The following EXOC3L4 variants were observed in gnomAD, a reference collection of about 807,000 sequenced individuals.
EXOC3L4 encodes exocyst complex component 3 like 4.
EXOC3L4 carries 62 observed loss-of-function variants against 69.7 expected under a neutral mutation model. The ratio of observed to expected loss-of-function variants is 0.89; its 90% confidence interval spans 0.72 to 1.10. The LOEUF is 1.10. EXOC3L4 is among the 50% of genes least tolerant of loss of function. The pLI is 0.00. For synonymous variants in EXOC3L4, 502 were observed against 464.2 expected (o/e 1.08, Z -1.05); for missense variants, 1,087 against 1,034.8 (o/e 1.05, Z -0.69).
At chr14:103,103,457 G>T (rs1430709405) in intron 3 of EXOC3L4, 2 of 156,820 alleles carry the variant, frequency 1.3e-5, no homozygotes, top group East Asian at 1.9e-4. Context: ...TGCGGGGAGC[G>T]GCCACCTCCC....
chr14:103,105,580 T>C (rs1325346705), intron 7 of EXOC3L4, among the ~76,000 whole-genome samples: 1 of 151,970 alleles, frequency 6.6e-6, no homozygotes, highest in Non-Finnish European at 1.5e-5. Context: ...GCTCCATTTT[T>C]CCCTCCCTTC....
At chr14:103,109,976 G>T (rs1595260364) in intron 11 of EXOC3L4, 55 bp from the exon 12 acceptor site, 2 of 1,512,768 alleles carry the variant, frequency 1.3e-6, no homozygotes, top group Admixed American at 2.2e-5. Context: ...TCATGCTGGG[G>T]CTGGGGGTGT....
intron 7 of EXOC3L4, among the ~76,000 whole-genome samples, chr14:103,105,599 C>T (rs1890501658): frequency 6.6e-6 from 1 of 152,038 alleles, no homozygotes; most frequent in Admixed American, 6.5e-5. Context: ...TCATCCCAGG[C>T]AGCATTTCTT....
intron 3 of EXOC3L4, among the ~76,000 whole-genome samples, chr14:103,103,391 A>AAAAAG (rs1890331283): frequency 6.6e-6 from 1 of 151,666 alleles, no homozygotes; most frequent in Admixed American, 6.6e-5. Flanking sequence ...AAAGAAAAGA[A>AAAAAG]AAAAGAAAAG....
Position 103,104,365 on chromosome 14 carries a change from G to T in EXOC3L4, c.1260G>T (p.Ala420=). The T allele has an allele frequency of 6.3e-7, 1 of 1,585,692 alleles. No individual in the cohort carries two copies. The highest frequency in any genetic ancestry group is 1.2e-5 in the South Asian group (1 of 86,834). The change falls in exon 5 of 12, where the codon GCG becomes GCT. Residue 420 remains alanine (A), a synonymous_variant. Coordinates refer to ENST00000688303, the MANE Select transcript of EXOC3L4 (RefSeq NM_001077594.2). ...VPEVLQGLYQ[A]PLSMDVHMLV... Reference sequence around the variant, plus strand: ...AGGTGCTGCAGGGCCTCTACCAGGCGCCGCTGTCCATGGACGTCCATATGG... The same window carrying T: ...AGGTGCTGCAGGGCCTCTACCAGGCTCCGCTGTCCATGGACGTCCATATGG...
chr14:103,110,523 G>C lies in EXOC3L4; in HGVS notation c.*300G>C. On this transcript the variant is annotated 3_prime_UTR_variant, in exon 12 of 12. Coordinates refer to ENST00000688303, the MANE Select transcript of EXOC3L4 (RefSeq NM_001077594.2). Reference sequence around the variant, plus strand: ...TCACCCTCCAGTCTGAAAGTGAAGAGCAGAGTATTTATTTAAAAAATAAAT... The same window carrying C: ...TCACCCTCCAGTCTGAAAGTGAAGACCAGAGTATTTATTTAAAAAATAAAT... 1 of 506,870 alleles carries C rather than the reference G, an allele frequency of 2.0e-6. No homozygotes were observed. Among genetic ancestry groups the C allele is most frequent in the Non-Finnish European group, 3.6e-6 (1 of 275,544 alleles). 31.4% of individuals were successfully genotyped at this position (506,870 alleles called of 1,614,324 possible).
chr14:103,100,759 G>GA, intron 2 of EXOC3L4, 146 bp downstream of exon 2: 5 of 1,142,962 alleles, frequency 4.4e-6, no homozygotes, highest in Non-Finnish European at 4.9e-6. Context: ...ATTTGAGACA[G>GA]GGTCTCCACT....
intron 1 of EXOC3L4, among the ~76,000 whole-genome samples, chr14:103,095,404 G>A (rs1025874070): frequency 2.0e-5 from 3 of 152,314 alleles, no homozygotes; most frequent in African/African-American, 2.4e-5. Flanking sequence ...AGGAGGTGCC[G>A]AACATGGTAT....
At chr14:103,095,310 C>T (rs749878441) in intron 1 of EXOC3L4, among the ~76,000 whole-genome samples, 11 of 152,220 alleles carry the variant, frequency 7.2e-5, no homozygotes, top group Non-Finnish European at 1.2e-4. Context: ...TCACTCCCTG[C>T]CTTGCGGGTC....
intron 7 of EXOC3L4, among the ~76,000 whole-genome samples, 154 bp downstream of exon 7, chr14:103,105,226 GGTGTGTGTGC>G (rs139131753): frequency 0.011 from 1,597 of 151,920 alleles, 14 homozygotes; most frequent in Non-Finnish European, 0.017. Context: ...GGATCTGAGG[GGTGTGTGTGC>G]GTGTGTGTGT....
Position 103,102,648 on chromosome 14 carries a change from TG to T in EXOC3L4, c.928del (p.Glu310ArgfsTer125). The T allele has an allele frequency of 5.3e-6, 8 of 1,500,694 alleles. No individual in the cohort carries two copies. In the Middle Eastern group the frequency reaches 7.0e-4, roughly 131 times the overall value. 93.0% of individuals were successfully genotyped at this position (1,500,694 alleles called of 1,614,324 possible). On this transcript the variant is annotated frameshift_variant, in exon 3 of 12. Transcript: ENST00000688303. LOFTEE classifies it high-confidence loss of function. ...GTATGCGGCGGCCGGCTTCCCAGCG[TG>T]GGAGGTCTATCTGCGTGCCTTCCAC... is the stretch of plus-strand genomic sequence containing the variant. The part of the protein sequence containing the change: ...PAYAAAGFPA[W>X]EVYLRAFHSA...
intron 11 of EXOC3L4, among the ~76,000 whole-genome samples, chr14:103,108,992 C>A (rs528711975): frequency 2.0e-5 from 3 of 152,098 alleles, no homozygotes; most frequent in African/African-American, 7.2e-5. Flanking sequence ...TTCCCCAGGC[C>A]ACCCTGCCAT....
rs991726819 is a variant in EXOC3L4 at position 103,104,135 on chromosome 14, G to T, written c.1161+83G>T. ...GATGTGCGGCGCCCAGGCTATCGGC[G>T]GCCAGAGCTGGCTCTGGTTCACCCT... On this transcript the variant is annotated intron_variant, in intron 4 of 11. Transcript: ENST00000688303. 3 of 1,444,558 alleles carry T rather than the reference G, an allele frequency of 2.1e-6. No homozygotes were observed. The African/African-American group carries it at 4.4e-5, about 21-fold the overall frequency. 89.5% of individuals were successfully genotyped at this position (1,444,558 alleles called of 1,614,324 possible).
chr14:103,101,049 C>G (rs1453412848), intron 2 of EXOC3L4, among the ~76,000 whole-genome samples: 5 of 151,678 alleles, frequency 3.3e-5, no homozygotes, highest in Middle Eastern at 3.4e-3. Context: ...ACTACAGGTG[C>G]GTGCCAACAC....
Position 103,108,341 on chromosome 14 carries a change from T to C in EXOC3L4, c.1855-55T>C. On this transcript the variant is annotated intron_variant, in intron 10 of 11. Transcript: ENST00000688303. ...CACTGACCTCGCGCTCTTGCAGGAG[T>C]TGGAGCAGCGGTGGGGAGAGGGCTG... 3 of 1,594,122 alleles carry C rather than the reference T, an allele frequency of 1.9e-6. No homozygotes were observed. In the South Asian group the frequency reaches 3.4e-5, roughly 18 times the overall value.
chr14:103,097,558 G>A lies in EXOC3L4; in HGVS notation c.-16-2646G>A, dbSNP rs1379157985. The stretch of plus-strand genomic sequence containing the variant: ...AGGCAGGCCAGCCGGGGGTGGCAGG[G>A]CGACCCTGATACCGATGTTCCGCCT... On this transcript the variant is annotated intron_variant, in intron 1 of 11. Coordinates refer to ENST00000688303, the MANE Select transcript of EXOC3L4 (RefSeq NM_001077594.2). This position sits in a 1 kb window ranked among gnomAD's most constrained non-coding sequence, Gnocchi z 4.9. 6.6e-6 allele frequency among the ~76,000 whole-genome samples: 1 copy of A among 152,176 alleles called. No individual in the cohort carries two copies. The highest frequency in any genetic ancestry group is 1.5e-5 in the Non-Finnish European group (1 of 68,020).
intron 2 of EXOC3L4, 140 bp downstream of exon 2, chr14:103,100,753 G>C: frequency 8.5e-7 from 1 of 1,182,950 alleles, no homozygotes; most frequent in Non-Finnish European, 1.2e-6. Flanking sequence ...TTATTTATTT[G>C]AGACAGGGTC....
chr14:103,109,841 T>C (rs113774073), intron 11 of EXOC3L4, among the ~76,000 whole-genome samples, 190 bp from the exon 12 acceptor site: 28,781 of 149,510 alleles, frequency 0.19, 3,008 homozygotes, highest in Middle Eastern at 0.34. Context: ...AGCTATGGTG[T>C]CCCCCAGGCC....
chr14:103,107,013 G>A, intron 8 of EXOC3L4, 114 bp downstream of exon 8: 1 of 925,046 alleles, frequency 1.1e-6, no homozygotes, highest in Non-Finnish European at 1.6e-6. Context: ...GAGCTCATGG[G>A]TGTGTGTGTA....
Sources: allele counts gnomAD v4.1 joint callset (sites outside exome capture counted in the v4.1 genomes callset), GRCh38; gene constraint gnomAD v4.1.1; non-coding constraint Gnocchi (gnomAD v3.1); transcripts MANE v1.5; gene names NCBI Gene and HGNC (gene_info 2026-07-23, HGNC 2026-07-21).